The following MCF2L2 variants were observed in gnomAD, a reference collection of about 807,000 sequenced individuals.
MCF2L2 encodes the protein probable guanine nucleotide exchange factor MCF2L2.
In MCF2L2, 102 loss-of-function variants were observed where a neutral mutation model predicts 150.2. The observed-to-expected ratio is 0.68, with a 90% confidence interval of 0.58 to 0.80. MCF2L2 has a LOEUF of 0.80. Among genes scored for constraint, MCF2L2 ranks in the 30% least tolerant of loss-of-function variants. MCF2L2 has a pLI of 0.00. For missense variants in MCF2L2, 1,256 were observed against 1,372.8 expected (o/e 0.91, Z 1.34); for synonymous variants, 465 against 491.3 (o/e 0.95, Z 0.71).
intron 15 of MCF2L2, among the ~76,000 whole-genome samples, chr3:183,257,681 C>A (rs13094489): frequency 0.16 from 24,167 of 152,162 alleles, 2,520 homozygotes; most frequent in Middle Eastern, 0.25. Flanking sequence ...AAGACAATGT[C>A]CAGAATGGGA....
chr3:183,248,326 A>C (rs1724353568), intron 15 of MCF2L2, among the ~76,000 whole-genome samples: 2 of 152,074 alleles, frequency 1.3e-5, no homozygotes, highest in South Asian at 4.1e-4. Context: ...TAGACTTTAG[A>C]ATTGGCTTTT....
chr3:183,252,248 A>G (rs150642341), intron 15 of MCF2L2, among the ~76,000 whole-genome samples: 3 of 152,072 alleles, frequency 2.0e-5, no homozygotes, highest in Admixed American at 6.5e-5. Context: ...TTTATTAGAG[A>G]AGGTATGTCA....
chr3:183,275,606 T>C (rs1341465823), intron 15 of MCF2L2, among the ~76,000 whole-genome samples: 1 of 152,218 alleles, frequency 6.6e-6, no homozygotes, highest in Non-Finnish European at 1.5e-5. Context: ...CATACGTTTT[T>C]TGTTTTTTTT....
At chr3:183,261,981 T>C (rs1319772145) in intron 15 of MCF2L2, among the ~76,000 whole-genome samples, 2 of 131,462 alleles carry the variant, frequency 1.5e-5, no homozygotes, top group Admixed American at 7.6e-5. Flanking sequence ...AAAAAAAGAA[T>C]AGAATTGGGC....
rs16857250 is a variant in MCF2L2, at chr3:183,276,737, A to G, written c.1862+135T>C. ...ACAAATTTTGTTCTCAGGTACATAA[A>G]TGAAGGTTAGTATAGAGGATAAATA... On this transcript the variant is annotated intron_variant, in intron 15 of 29. Transcript: ENST00000328913. 5,113 of 525,720 alleles carry G rather than the reference A, an allele frequency of 9.7e-3. 215 individuals are homozygous for G. Among genetic ancestry groups the G allele is most frequent in the African/African-American group, 0.087 (4,394 of 50,496 alleles). 32.6% of individuals were successfully genotyped at this position (525,720 alleles called of 1,614,324 possible).
Position 183,341,549 on chromosome 3 carries a change from T to G in MCF2L2, c.357A>C (p.Thr119=), listed in dbSNP as rs2108541636. 1 of 1,610,680 alleles carries G rather than the reference T, an allele frequency of 6.2e-7. No homozygotes were observed. Among genetic ancestry groups the G allele is most frequent in the Middle Eastern group, 1.7e-4 (1 of 6,056 alleles). ...AAAAATAAATATTTACAGCTATTCG[T>G]GTCAAGGATGCCTTTACGGAGCTCC... ...DKWSSVKASL[T]RIAVAFPGNL... Residue 119 remains threonine (T), a synonymous_variant, in exon 4 of 30, where the codon ACA becomes ACC. Coordinates refer to ENST00000328913, the MANE Select transcript of MCF2L2 (RefSeq NM_015078.4).
At chr3:183,318,357 T>C in intron 6 of MCF2L2, 140 bp from the exon 7 acceptor site, 1 of 926,022 alleles carries the variant, frequency 1.1e-6, no homozygotes, top group Non-Finnish European at 1.7e-6. Flanking sequence ...GACCTGATTC[T>C]GATAGGGAGA....
intron 5 of MCF2L2, among the ~76,000 whole-genome samples, chr3:183,332,194 T>C (rs56100632): frequency 0.26 from 39,311 of 152,086 alleles, 7,352 homozygotes; most frequent in African/African-American, 0.53. Flanking sequence ...TAGATTTCAT[T>C]AAGCTTGATA....
At position 183,205,896 on chromosome 3, in the gene MCF2L2, T is replaced by A; in HGVS notation, c.2864A>T (p.Glu955Val). 1 of 1,613,866 alleles carries A rather than the reference T, an allele frequency of 6.2e-7. No individual in the cohort carries two copies. Among genetic ancestry groups the A allele is most frequent in the Non-Finnish European group, 8.5e-7 (1 of 1,179,750 alleles). ...WFSEISKLLM[E>V]QQNNIKDQGN... Reference sequence around the variant, plus strand: ...CCTACCTTTGATATTATTTTGTTGTTCCATCAATAATTTACTTATTTCTGA... The same window carrying A: ...CCTACCTTTGATATTATTTTGTTGTACCATCAATAATTTACTTATTTCTGA... Residue 955 changes from glutamate to valine, a missense_variant, in exon 25 of 30, where the codon GAA (glutamate) becomes GTA (valine). By Grantham distance (121) the Glu-to-Val change is moderately radical (BLOSUM62 -2). Transcript: ENST00000328913.
At chr3:183,208,795 A>C (rs147553969) in intron 22 of MCF2L2, among the ~76,000 whole-genome samples, 4 of 152,314 alleles carry the variant, frequency 2.6e-5, no homozygotes, top group African/African-American at 9.6e-5. Context: ...TACTTCATTC[A>C]TAATTGATTG....
chr3:183,297,071 T>G lies in MCF2L2; in HGVS notation c.1402A>C (p.Ile468Leu), dbSNP rs751498476. ...REGVDIALND[I>L]ATFLGTVKEY... ...TTGACTGTGCCCAGGAATGTCGCAATGTCGTTCAAGGCGATATCAACCCCT... is the reference window on the plus strand; with the variant it reads ...TTGACTGTGCCCAGGAATGTCGCAAGGTCGTTCAAGGCGATATCAACCCCT... Residue 468 changes from isoleucine to leucine, a missense_variant, in exon 12 of 30, where the codon ATT becomes CTT. Transcript: ENST00000328913. 3.7e-6 allele frequency: 6 copies of G among 1,614,178 alleles called. No individual in the cohort carries two copies. The East Asian group carries it at 1.3e-4, about 36-fold the overall frequency.
chr3:183,305,759 G>A lies in MCF2L2; in HGVS notation c.1113+3957C>T, dbSNP rs1729065703. Among the ~76,000 whole-genome samples, 1 of 152,170 alleles carries A rather than the reference G, an allele frequency of 6.6e-6. No individual in the cohort carries two copies. Among genetic ancestry groups the A allele is most frequent in the Non-Finnish European group, 1.5e-5 (1 of 68,036 alleles). On this transcript the variant is annotated intron_variant, in intron 10 of 29. Coordinates refer to ENST00000328913, the MANE Select transcript of MCF2L2 (RefSeq NM_015078.4). The surrounding 1 kb of genome is among the most constrained non-coding windows in gnomAD (Gnocchi z 4.1). ...AGCTACTTGGGAGGCTGAGACAGAA[G>A]AATCGCTTGAACCCAGGAGGCGGAG...
At chr3:183,379,051 G>T (rs141552354) in intron 3 of MCF2L2, 1 of 419,944 alleles carries the variant, frequency 2.4e-6, no homozygotes, top group Admixed American at 4.6e-5. Flanking sequence ...CCATCCACCC[G>T]ACCATGTTTA....
chr3:183,310,630 T>C, intron 9 of MCF2L2: 1 of 336,300 alleles, frequency 3.0e-6, no homozygotes, highest in Non-Finnish European at 5.7e-6. Flanking sequence ...ACCACTGCAC[T>C]CCGGCCGGAG....
intron 15 of MCF2L2, among the ~76,000 whole-genome samples, chr3:183,275,857 C>A (rs1286013510): frequency 6.6e-6 from 1 of 152,154 alleles, no homozygotes; most frequent in Non-Finnish European, 1.5e-5. Flanking sequence ...CTCGAGCAAT[C>A]CTCCTACCTC....
At chr3:183,343,371 ATT>A (rs199910390) in intron 3 of MCF2L2, among the ~76,000 whole-genome samples, 5,320 of 140,826 alleles carry the variant, frequency 0.038, 308 homozygotes, top group African/African-American at 0.13. Flanking sequence ...TGATAACTTG[ATT>A]TTTTTTTTTT....
intron 1 of MCF2L2, chr3:183,400,557 A>G (rs1028086664): frequency 6.8e-6 from 3 of 440,144 alleles, no homozygotes; most frequent in African/African-American, 4.0e-5. Context: ...GCACTCACAC[A>G]GAAATGTTCA....
chr3:183,272,331 AAG>A (rs1726849384), intron 15 of MCF2L2: 1 of 1,000,192 alleles, frequency 1.0e-6, no homozygotes, highest in African/African-American at 1.7e-5. Context: ...TGACTTCAGC[AAG>A]AGTGACTGAA....
At chr3:183,254,046 G>T (rs1724777537) in intron 15 of MCF2L2, 1 of 152,036 alleles carries the variant, frequency 6.6e-6, no homozygotes, top group Non-Finnish European at 1.5e-5. Flanking sequence ...CGGCATTGGG[G>T]GCTGCGGGCC....
Sources: allele counts gnomAD v4.1 joint callset (sites outside exome capture counted in the v4.1 genomes callset), GRCh38; gene constraint gnomAD v4.1.1; non-coding constraint Gnocchi (gnomAD v3.1); transcripts MANE v1.5; gene names NCBI Gene and HGNC (gene_info 2026-07-23, HGNC 2026-07-21).